The following SGMS1 variants were observed in gnomAD, a reference collection of about 807,000 sequenced individuals.
SGMS1 encodes the protein sphingomyelin synthase 1.
In SGMS1, 13 loss-of-function variants were observed where a neutral mutation model predicts 46.2. The observed-to-expected ratio is 0.28, with a 90% confidence interval of 0.18 to 0.45. The LOEUF is 0.45. SGMS1 is among the 20% of genes least tolerant of loss of function. SGMS1 has a pLI of 1.00. For missense variants in SGMS1, 324 were observed against 519.9 expected, an observed-to-expected ratio of 0.62 and a Z score of 3.66; for synonymous variants, 203 against 187.8, an observed-to-expected ratio of 1.08 and a Z score of -0.66.
intron 2 of SGMS1, among the ~76,000 whole-genome samples, chr10:50,570,627 T>G (rs1452543648): frequency 6.6e-6 from 1 of 152,188 alleles, no homozygotes; most frequent in African/African-American, 2.4e-5. Flanking sequence ...GCCTTTTGAT[T>G]CTCTGCTATT....
intron 8 of SGMS1, among the ~76,000 whole-genome samples, chr10:50,321,551 A>G (rs1047159989): frequency 3.3e-5 from 5 of 152,244 alleles, no homozygotes; most frequent in Non-Finnish European, 5.9e-5. Flanking sequence ...GAAGCAGAAA[A>G]AAAAGAATTG....
intron 3 of SGMS1, among the ~76,000 whole-genome samples, chr10:50,511,421 G>A (rs1164567190): frequency 1.3e-5 from 2 of 152,160 alleles, no homozygotes; most frequent in African/African-American, 4.8e-5. Flanking sequence ...TGTGGGACCA[G>A]GTCATCCAAG....
In SGMS1 at chr10:50,346,849, GC is replaced by G. The variant is rs549399521; in HGVS notation, c.-231-2505del. Among the ~76,000 whole-genome samples the G allele has an allele frequency of 2.3e-3, 347 of 152,154 alleles. 2 individuals are homozygous for G. The highest frequency in any genetic ancestry group is 5.2e-3 in the South Asian group (25 of 4,812). On this transcript the variant is annotated intron_variant, in intron 6 of 10. Coordinates refer to ENST00000361781, the MANE Select transcript of SGMS1 (RefSeq NM_147156.4). ...CCAGAAGCTGGGACCACAGGTGCAT[GC>G]CACTGTATCTGGCTAATTTTTAAAA...
At chr10:50,464,312 C>A (rs1203265155) in intron 4 of SGMS1, among the ~76,000 whole-genome samples, 1 of 152,222 alleles carries the variant, frequency 6.6e-6, no homozygotes, top group Non-Finnish European at 1.5e-5. Flanking sequence ...CATTTGACCA[C>A]TGCTGACTTT....
At chr10:50,598,770 A>G (rs1170370880) in intron 1 of SGMS1, among the ~76,000 whole-genome samples, 2 of 152,190 alleles carry the variant, frequency 1.3e-5, no homozygotes, top group East Asian at 3.8e-4. Context: ...CCAGAGCCTT[A>G]GTTTACCTAC....
chr10:50,593,845 T>C (rs961137994), intron 1 of SGMS1, among the ~76,000 whole-genome samples: 6 of 152,236 alleles, frequency 3.9e-5, no homozygotes, highest in Non-Finnish European at 7.3e-5. Flanking sequence ...TTTACTGTTC[T>C]GTTCTACTGT....
chr10:50,453,029 G>A (rs1210065), intron 5 of SGMS1, among the ~76,000 whole-genome samples: 84,944 of 151,886 alleles, frequency 0.56, 24,059 homozygotes, highest in Non-Finnish European at 0.58. Flanking sequence ...TCTACCTTCA[G>A]TCTAGGCCTT....
chr10:50,448,460 A>G (rs191929671), intron 5 of SGMS1, among the ~76,000 whole-genome samples: 102 of 152,212 alleles, frequency 6.7e-4, no homozygotes, highest in African/African-American at 2.2e-3. Context: ...AGAATGAAAG[A>G]CAGGCCAGGC....
At chr10:50,384,695 T>C (rs1242110488) in intron 6 of SGMS1, among the ~76,000 whole-genome samples, 7 of 151,952 alleles carry the variant, frequency 4.6e-5, no homozygotes, top group South Asian at 2.1e-4. Context: ...AACAATCCTC[T>C]TGCCTCAGCC....
chr10:50,331,152 CAA>C (rs1847617979), intron 7 of SGMS1, among the ~76,000 whole-genome samples: 1 of 152,090 alleles, frequency 6.6e-6, no homozygotes, highest in Admixed American at 6.5e-5. Context: ...TACTAAAAAA[CAA>C]AGTTTCTATT....
At chr10:50,393,999 T>A (rs1280172210) in intron 6 of SGMS1, among the ~76,000 whole-genome samples, 1 of 152,190 alleles carries the variant, frequency 6.6e-6, no homozygotes, top group Non-Finnish European at 1.5e-5. Flanking sequence ...TCATATATCC[T>A]ATCTCTATAT....
In SGMS1 at chr10:50,311,387, C is replaced by T. The variant is rs759744291; in HGVS notation, c.770G>A (p.Arg257Gln). 17 of 1,613,720 alleles carry T rather than the reference C, an allele frequency of 1.1e-5. No homozygotes were observed. Among genetic ancestry groups the T allele is most frequent in the South Asian group, 3.3e-5 (3 of 91,068 alleles). ...TCCAGCAATGAGCTTCATTATTCTT[C>T]GCAGTTGGGCTTCCCAGTCTCCGAA... ...KLFGDWEAQL[R>Q]RIMKLIAGGG... The change falls in exon 9 of 11, where the codon CGA (arginine) becomes CAA (glutamine). Residue 257 changes from arginine (R) to glutamine (Q), a missense_variant. This residue lies in a region of SGMS1 where 174 missense variants were observed against 350.1 expected (regional missense o/e 0.50). Transcript: ENST00000361781.
At chr10:50,399,111 C>T (rs1052236024) in intron 6 of SGMS1, among the ~76,000 whole-genome samples, 1 of 152,098 alleles carries the variant, frequency 6.6e-6, no homozygotes, top group African/African-American at 2.4e-5. Flanking sequence ...GGTTGTAGAA[C>T]TCAGTAAATT....
intron 6 of SGMS1, among the ~76,000 whole-genome samples, chr10:50,427,263 G>C (rs1003346994): frequency 1.3e-5 from 2 of 152,144 alleles, no homozygotes; most frequent in Non-Finnish European, 2.9e-5. Context: ...GCCGGGTGTG[G>C]TGGCGGGCGC....
intron 2 of SGMS1, among the ~76,000 whole-genome samples, chr10:50,581,361 C>T (rs1019805555): frequency 1.3e-5 from 2 of 152,128 alleles, no homozygotes; most frequent in East Asian, 3.9e-4. Context: ...GGTTATGCCT[C>T]AATTTCCTCA....
chr10:50,363,171 T>C (rs1288124194), intron 6 of SGMS1, among the ~76,000 whole-genome samples: 1 of 152,022 alleles, frequency 6.6e-6, no homozygotes, highest in Non-Finnish European at 1.5e-5. Context: ...AGTAAAAAGA[T>C]TTTCTTTTTT....
At chr10:50,369,270 G>A in intron 6 of SGMS1, among the ~76,000 whole-genome samples, 1 of 152,228 alleles carries the variant, frequency 6.6e-6, no homozygotes, top group East Asian at 1.9e-4. Context: ...GGCCAAAGCA[G>A]GAGTATTGTT....
At chr10:50,462,629 AT>A (rs1342164792) in intron 4 of SGMS1, among the ~76,000 whole-genome samples, 2 of 152,256 alleles carry the variant, frequency 1.3e-5, no homozygotes, top group Non-Finnish European at 1.5e-5. Context: ...CCTTTTAAAT[AT>A]TATTTTAAAG....
In SGMS1 at chr10:50,406,656, T is replaced by C. The variant is rs1042164930; in HGVS notation, c.-232+26820A>G. 6.6e-5 allele frequency among the ~76,000 whole-genome samples: 10 copies of C among 152,288 alleles called. No individual in the cohort carries two copies. The South Asian group carries it at 2.1e-3, about 32-fold the overall frequency. The stretch of plus-strand genomic sequence containing the variant: ...TTTCTATAGAGTTCTGTTTACTTTT[T>C]ATTAGCCAATCTTATCATTGCTCCA... On this transcript the variant is annotated intron_variant, in intron 6 of 10. Coordinates refer to ENST00000361781, the MANE Select transcript of SGMS1 (RefSeq NM_147156.4).
Sources: allele counts gnomAD v4.1 joint callset (sites outside exome capture counted in the v4.1 genomes callset), GRCh38; gene constraint gnomAD v4.1.1; regional missense constraint gnomAD v4.1.1; transcripts MANE v1.5; gene names NCBI Gene and HGNC (gene_info 2026-07-23, HGNC 2026-07-21).